RARB: variants seen among roughly 807,000 people sequenced by gnomAD.
The protein encoded by RARB is HBV-activated protein.
RARB carries 17 observed loss-of-function variants against 51.9 expected under a neutral mutation model. The observed-to-expected ratio is 0.33, with a 90% CI of 0.22 to 0.49. The LOEUF is 0.49. Among genes scored for constraint, RARB ranks in the 20% least tolerant of loss-of-function variants. RARB has a pLI of 0.99. For missense variants in RARB, 369 were observed against 550.8 expected (o/e 0.67, Z 3.30); for synonymous variants, 215 against 195.4 (o/e 1.10, Z -0.84).
intron 7 of RARB, among the ~76,000 whole-genome samples, chr3:25,596,109 C>G (rs1701814273): frequency 6.6e-6 from 1 of 152,196 alleles, no homozygotes. Context: ...TAAAAAGACC[C>G]TCTCTATCAA....
intron 3 of RARB, among the ~76,000 whole-genome samples, chr3:25,106,963 C>A (rs556081084): frequency 6.6e-6 from 1 of 151,956 alleles, no homozygotes; most frequent in South Asian, 2.1e-4. Context: ...TCCAGTGGCA[C>A]GATCTCAGCT....
chr3:25,203,998 C>G (rs1701463446), intron 5 of RARB, among the ~76,000 whole-genome samples: 1 of 152,174 alleles, frequency 6.6e-6, no homozygotes. Flanking sequence ...TGGGGAAGTT[C>G]TCCTGGATAA....
At chr3:25,595,152 T>C (rs1039720955) in intron 7 of RARB, among the ~76,000 whole-genome samples, 21 of 152,352 alleles carry the variant, frequency 1.4e-4, no homozygotes, top group African/African-American at 4.8e-4. Flanking sequence ...AAGAGGTATA[T>C]TCTTTGCCTA....
chr3:25,252,810 A>T (rs1033975170), intron 5 of RARB, among the ~76,000 whole-genome samples: 2 of 152,166 alleles, frequency 1.3e-5, no homozygotes, highest in African/African-American at 4.8e-5. Flanking sequence ...GAACAGTAGC[A>T]TCCAGTCTAA....
At chr3:25,223,939 A>G (rs1162209494) in intron 5 of RARB, among the ~76,000 whole-genome samples, 1 of 152,202 alleles carries the variant, frequency 6.6e-6, no homozygotes, top group Non-Finnish European at 1.5e-5. Context: ...TACTCTGAGT[A>G]TTTCTAAATA....
At chr3:25,257,885 T>C (rs1218502091) in intron 5 of RARB, among the ~76,000 whole-genome samples, 1 of 152,102 alleles carries the variant, frequency 6.6e-6, no homozygotes, top group East Asian at 1.9e-4. Flanking sequence ...TCAACCTTTC[T>C]CATCAAAGCA....
At chr3:25,364,872 A>G (rs1265066602) in intron 5 of RARB, among the ~76,000 whole-genome samples, 1 of 152,208 alleles carries the variant, frequency 6.6e-6, no homozygotes, top group Non-Finnish European at 1.5e-5. Flanking sequence ...ATTATGAAAG[A>G]TATCGTTAAG....
chr3:24,915,444 G>A (rs1559394650), intron 2 of RARB, among the ~76,000 whole-genome samples: 1 of 152,114 alleles, frequency 6.6e-6, no homozygotes, highest in African/African-American at 2.4e-5. Flanking sequence ...ATTCTGAGGA[G>A]CTATATTTCC....
intron 2 of RARB, among the ~76,000 whole-genome samples, chr3:24,942,278 G>C (rs1428436867): frequency 6.6e-6 from 1 of 152,180 alleles, no homozygotes; most frequent in Admixed American, 6.5e-5. Context: ...CTCTGTAGCT[G>C]TGCTCATAAT....
chr3:25,114,552 C>T (rs924181653), intron 3 of RARB, among the ~76,000 whole-genome samples: 1 of 152,154 alleles, frequency 6.6e-6, no homozygotes, highest in Non-Finnish European at 1.5e-5. Flanking sequence ...TTGCCACCAC[C>T]TCCCATTTTA....
At chr3:25,055,767 C>T (rs1309683771) in intron 2 of RARB, among the ~76,000 whole-genome samples, 1 of 152,002 alleles carries the variant, frequency 6.6e-6, no homozygotes, top group Non-Finnish European at 1.5e-5. Flanking sequence ...GTAGGGCATA[C>T]CCCGGAATCA....
chr3:25,218,331 G>A (rs181654754), intron 5 of RARB, among the ~76,000 whole-genome samples: 10 of 151,372 alleles, frequency 6.6e-5, no homozygotes, highest in African/African-American at 2.4e-4. Context: ...ACACATATCC[G>A]CCCCCTAGGT....
chr3:25,194,438 C>T (rs916929315), intron 5 of RARB, among the ~76,000 whole-genome samples: 49 of 150,628 alleles, frequency 3.3e-4, no homozygotes, highest in African/African-American at 1.1e-3. Context: ...GCATAATTTG[C>T]TTGACAGTAG....
chr3:25,120,080 A>T (rs971169541), intron 3 of RARB, among the ~76,000 whole-genome samples: 1 of 152,096 alleles, frequency 6.6e-6, no homozygotes, highest in African/African-American at 2.4e-5. Context: ...CAGGACAGGA[A>T]TAAAGTGTGC....
intron 3 of RARB, among the ~76,000 whole-genome samples, chr3:25,548,971 G>C (rs1310111503): frequency 6.6e-6 from 1 of 152,112 alleles, no homozygotes; most frequent in African/African-American, 2.4e-5. Context: ...CAAGAGACCT[G>C]ACTCACGTTA....
At chr3:25,491,504 C>T (rs971073251) in intron 2 of RARB, among the ~76,000 whole-genome samples, 1 of 152,030 alleles carries the variant, frequency 6.6e-6, no homozygotes, top group South Asian at 2.1e-4. Context: ...AGAGACTATC[C>T]GAGACTATCC....
intron 3 of RARB, among the ~76,000 whole-genome samples, chr3:25,535,873 G>A (rs906273040): frequency 6.6e-6 from 1 of 152,126 alleles, no homozygotes; most frequent in African/African-American, 2.4e-5. Context: ...ATTTTACAGT[G>A]TTATCAGGGT....
At chr3:25,227,376 T>C (rs759300892) in intron 5 of RARB, among the ~76,000 whole-genome samples, 1 of 152,210 alleles carries the variant, frequency 6.6e-6, no homozygotes, top group Non-Finnish European at 1.5e-5. Flanking sequence ...TACAGAAATT[T>C]CATACTGTTC....
At chr3:25,339,869 C>G (rs1213886798) in intron 5 of RARB, among the ~76,000 whole-genome samples, 5 of 152,096 alleles carry the variant, frequency 3.3e-5, no homozygotes, top group African/African-American at 1.2e-4. Flanking sequence ...CAACAGTTTC[C>G]ACAAAACTGC....
Sources: gnomAD v4.1 joint callset for allele counts (sites outside exome capture counted in the v4.1 genomes callset) on GRCh38, gnomAD v4.1.1 for gene constraint, MANE v1.5 for transcripts, NCBI Gene and HGNC (gene_info 2026-07-23, HGNC 2026-07-21) for gene names.